The following ACACB variants were observed in gnomAD, a reference collection of about 807,000 sequenced individuals.
ACACB encodes the protein acetyl-CoA carboxylase 2.
ACACB carries 209 observed loss-of-function variants against 278.8 expected under a neutral mutation model. The ratio of observed to expected loss-of-function variants is 0.75; its 90% CI spans 0.67 to 0.84. ACACB has a LOEUF of 0.84. Among genes scored for constraint, ACACB ranks in the 40% least tolerant of loss-of-function variants. The pLI is 0.00. For missense variants in ACACB, 2,850 were observed against 3,269.0 expected, an observed-to-expected ratio of 0.87 and a Z score of 3.13; for synonymous variants, 1,174 against 1,285.6, an observed-to-expected ratio of 0.91 and a Z score of 1.86.
At chr12:109,253,449 A>G (rs1218832033) in intron 43 of ACACB, among the ~76,000 whole-genome samples, 7 of 152,148 alleles carry the variant, frequency 4.6e-5, no homozygotes, top group Non-Finnish European at 8.8e-5. Context: ...GACAATACTG[A>G]GTCTTTAAGC....
At chr12:109,235,781 T>A (rs7962615) in intron 33 of ACACB, 134 bp downstream of exon 33, 161,136 of 758,774 alleles carry the variant, frequency 0.21, 18,801 homozygotes, top group African/African-American at 0.3. Context: ...GAGGTTTGCT[T>A]GAGCTCAGGA....
At position 109,259,067 on chromosome 12, in the gene ACACB, T is replaced by A. The variant is rs763118062; in HGVS notation, c.6455T>A (p.Met2152Lys). 10 of 1,613,828 alleles carry A rather than the reference T, an allele frequency of 6.2e-6. No individual in the cohort carries two copies. The Admixed American group carries it at 1.7e-4, about 27-fold the overall frequency. Residue 2152 changes from methionine (M) to lysine (K), a missense_variant, in exon 47 of 53, where the codon ATG becomes AAG. By Grantham distance (95) the Met-to-Lys change is moderately conservative. Transcript: ENST00000338432. ...KDFNREKLPL[M>K]IFANWRGFSG... ...TTCAACCGGGAGAAGTTGCCCCTGA[T>A]GATCTTTGCCAACTGGAGGGGGTTC...
upstream of ACACB, among the ~76,000 whole-genome samples, chr12:109,112,033 A>G (rs1470241078): frequency 2.0e-5 from 3 of 151,750 alleles, no homozygotes; most frequent in Non-Finnish European, 4.4e-5. Flanking sequence ...TTGTGCTTAC[A>G]CCAGTTAGCT....
rs1015145872 is a variant in ACACB, at chr12:109,267,678, G to T, written c.*1316G>T. 6.6e-6 allele frequency: 1 copy of T among 152,448 alleles called. No individual in the cohort carries two copies. Among genetic ancestry groups the T allele is most frequent in the African/African-American group, 2.4e-5 (1 of 41,472 alleles). 9.4% of individuals were successfully genotyped at this position (152,448 alleles called of 1,614,324 possible). On this transcript the variant is annotated 3_prime_UTR_variant, in exon 53 of 53. Coordinates refer to ENST00000338432, the MANE Select transcript of ACACB (RefSeq NM_001093.4). ...CAGAGCTGTCGGTGACTGAGGACTG[G>T]ACTGTGGTGACCATGCCGATTTGCT...
chr12:109,262,420 G>A lies in ACACB; in HGVS notation c.6738G>A (p.Lys2246=). 1 of 1,613,882 alleles carries A rather than the reference G, an allele frequency of 6.2e-7. No homozygotes were observed. The highest frequency in any genetic ancestry group is 1.3e-5 in the African/African-American group (1 of 75,006). ...EIKFRKKDLI[K]SMRRIDPAYK... Reference sequence around the variant, plus strand: ...AGTTCCGAAAGAAAGATCTGATAAAGTCCATGAGAAGGATCGATCCAGCTT... The same window carrying A: ...AGTTCCGAAAGAAAGATCTGATAAAATCCATGAGAAGGATCGATCCAGCTT... The change falls in exon 49 of 53, where the codon AAG becomes AAA. Residue 2246 remains lysine, a synonymous_variant. Coordinates refer to ENST00000338432, the MANE Select transcript of ACACB (RefSeq NM_001093.4).
At chr12:109,129,365 A>C (rs1312174718) in intron 1 of ACACB, among the ~76,000 whole-genome samples, 2 of 152,152 alleles carry the variant, frequency 1.3e-5, no homozygotes, top group Admixed American at 6.5e-5. Context: ...CTGCATGTAA[A>C]GCTCTTAGCA....
rs1367178998 is a variant in ACACB at position 109,235,356 on chromosome 12, T to G, written c.4391T>G (p.Leu1464Trp). ...VDYGLRRITF[L>W]IAQEKEFPKF... is the part of the protein sequence containing the mutation. Reference sequence around the variant, plus strand: ...TATGGACTCCGACGAATCACATTCTTGATTGCCCAAGAGGTTAGTTCACAG... The same window carrying G: ...TATGGACTCCGACGAATCACATTCTGGATTGCCCAAGAGGTTAGTTCACAG... Residue 1464 changes from leucine to tryptophan, a missense_variant, in exon 32 of 53, where the codon TTG becomes TGG. Physicochemically the swap from Leu to Trp is moderately conservative, Grantham distance 61. Coordinates refer to ENST00000338432, the MANE Select transcript of ACACB (RefSeq NM_001093.4). 6.2e-7 allele frequency: 1 copy of G among 1,614,116 alleles called. No homozygotes were observed. Among genetic ancestry groups the G allele is most frequent in the South Asian group, 1.1e-5 (1 of 91,086 alleles).
At chr12:109,170,609 A>T (rs1285589830) in intron 4 of ACACB, among the ~76,000 whole-genome samples, 5 of 152,284 alleles carry the variant, frequency 3.3e-5, no homozygotes, top group Non-Finnish European at 5.9e-5. Context: ...AGTGCAATTC[A>T]TAGAGAGAGA....
chr12:109,242,302 A>G (rs1223590880), intron 36 of ACACB, 135 bp from the exon 37 acceptor site: 10 of 960,600 alleles, frequency 1.0e-5, no homozygotes, highest in Non-Finnish European at 1.6e-5. Flanking sequence ...TACGTAGCCC[A>G]GGCACTCACT....
intron 38 of ACACB, 66 bp from the exon 39 acceptor site, chr12:109,246,113 A>G: frequency 6.6e-7 from 1 of 1,518,036 alleles, no homozygotes; most frequent in Non-Finnish European, 8.9e-7. Context: ...AATAACTAAA[A>G]TAAAATAAAA....
intron 19 of ACACB, among the ~76,000 whole-genome samples, chr12:109,204,580 A>G (rs944659304): frequency 5.3e-5 from 8 of 151,696 alleles, no homozygotes; most frequent in Non-Finnish European, 1.0e-4. Context: ...CAGCCTCAAT[A>G]CTAGATCTTA....
At chr12:109,266,096 C>T in intron 52 of ACACB, 140 bp from the exon 53 acceptor site, 1 of 1,059,838 alleles carries the variant, frequency 9.4e-7, no homozygotes, top group Non-Finnish European at 1.3e-6. Context: ...TGCACAGGAC[C>T]ATCACCCCCA....
intron 13 of ACACB, among the ~76,000 whole-genome samples, chr12:109,190,433 G>A (rs1471600839): frequency 2.0e-5 from 3 of 152,198 alleles, no homozygotes; most frequent in African/African-American, 7.2e-5. Flanking sequence ...TTTGGAGTCT[G>A]TGTGTTGGGG....
At chr12:109,155,260 A>G (rs891370973) in intron 2 of ACACB, among the ~76,000 whole-genome samples, 1 of 152,188 alleles carries the variant, frequency 6.6e-6, no homozygotes, top group Non-Finnish European at 1.5e-5. Flanking sequence ...CTTCGCCTCC[A>G]GAAGCTGATG....
rs745795046 is a variant in ACACB, at chr12:109,264,405, G to A, written c.6942+19G>A. 61 of 1,612,544 alleles carry A rather than the reference G, an allele frequency of 3.8e-5. 3 individuals are homozygous for A. In the South Asian group the frequency reaches 4.1e-4, roughly 11 times the overall value. ...CATATCTGTGAGAGCCACAGCTGCC[G>A]TGTAGGGTGCAAAGAGCCCACCCTG... On this transcript the variant is annotated intron_variant, in intron 50 of 52. Transcript: ENST00000338432.
At chr12:109,213,729 C>T (rs936733448) in intron 22 of ACACB, among the ~76,000 whole-genome samples, 21 of 152,102 alleles carry the variant, frequency 1.4e-4, no homozygotes, top group South Asian at 4.1e-4. Flanking sequence ...TCCCGAGTAG[C>T]TGGAACTACG....
intron 2 of ACACB, among the ~76,000 whole-genome samples, chr12:109,145,913 T>G (rs976538545): frequency 8.6e-5 from 13 of 151,530 alleles, no homozygotes; most frequent in African/African-American, 2.9e-4. Flanking sequence ...GGAGGCTGAG[T>G]TAGGAGAATC....
At chr12:109,150,974 TTTTC>T (rs2043355757) in intron 2 of ACACB, among the ~76,000 whole-genome samples, 2 of 139,702 alleles carry the variant, frequency 1.4e-5, no homozygotes, top group South Asian at 2.4e-4. Flanking sequence ...TTCTTTTCTT[TTTTC>T]TTTCTTTTTT....
At chr12:109,260,261 C>A (rs2047344119) in intron 47 of ACACB, 3 of 1,264,298 alleles carry the variant, frequency 2.4e-6, no homozygotes, top group Non-Finnish European at 3.3e-6. Context: ...TTTCCCTGTG[C>A]CTTCACAGAT....
Sources: allele counts gnomAD v4.1 joint callset (sites outside exome capture counted in the v4.1 genomes callset), GRCh38; gene constraint gnomAD v4.1.1; transcripts MANE v1.5; gene names NCBI Gene and HGNC (gene_info 2026-07-23, HGNC 2026-07-21).